The following IDO2 variants were observed in gnomAD, a reference collection of about 807,000 sequenced individuals.
The protein encoded by IDO2 is indoleamine 2,3-dioxygenase 2, also known as indoleamine 2,3-dioxygenase-like 1 protein.
In IDO2, 46 loss-of-function variants were observed where a neutral mutation model predicts 45.1. The ratio of observed to expected loss-of-function variants is 1.02; its 90% CI spans 0.80 to 1.30. The LOEUF (loss-of-function observed/expected upper bound fraction) is 1.30, where lower values mean the gene tolerates loss of function less well. Among genes scored for constraint, IDO2 ranks in the 50% most tolerant of loss-of-function variants. IDO2 has a pLI of 0.00. For missense variants in IDO2, 544 were observed against 491.8 expected, an observed-to-expected ratio of 1.11 and a Z score of -1.00; for synonymous variants, 218 against 184.9, an observed-to-expected ratio of 1.18 and a Z score of -1.45.
At chr8:39,956,120 T>G (rs1465254533) in intron 2 of IDO2, among the ~76,000 whole-genome samples, 1 of 150,860 alleles carries the variant, frequency 6.6e-6, no homozygotes, top group Non-Finnish European at 1.5e-5. Context: ...AGTGCAGTGG[T>G]GCAGTCTCAG....
chr8:40,000,627 C>T (rs938316030), intron 8 of IDO2, among the ~76,000 whole-genome samples: 3 of 101,252 alleles, frequency 3.0e-5, no homozygotes, highest in Non-Finnish European at 4.6e-5. Flanking sequence ...TTTACTTATT[C>T]TGCACTTATT....
chr8:39,962,696 G>A (rs1055499750), intron 2 of IDO2, among the ~76,000 whole-genome samples: 1 of 152,124 alleles, frequency 6.6e-6, no homozygotes, highest in African/African-American at 2.4e-5. Flanking sequence ...GGAGCACCAG[G>A]ACTTTCACAC....
Position 40,015,594 on chromosome 8 carries a change from C to T in IDO2, c.1216C>T (p.Arg406Cys), listed in dbSNP as rs768546107. ...GACCTTGGAGTCAATCCTTCACCCA[C>T]GTGGTTAGGAGGCTGCCCTCTCCCC... The change falls in exon 11 of 11, where the codon CGT becomes TGT. Residue 406 changes from arginine to cysteine, a missense_variant. Transcript: ENST00000502986. 24 of 1,608,958 alleles carry T rather than the reference C, an allele frequency of 1.5e-5. No homozygotes were observed. Among genetic ancestry groups the T allele is most frequent in the Admixed American group, 3.3e-5 (2 of 59,776 alleles).
At chr8:40,008,955 G>A (rs952715589) in intron 9 of IDO2, among the ~76,000 whole-genome samples, 1 of 152,034 alleles carries the variant, frequency 6.6e-6, no homozygotes, top group African/African-American at 2.4e-5. Flanking sequence ...CTAGAAAAAT[G>A]TAAATTTGCT....
intron 8 of IDO2, among the ~76,000 whole-genome samples, chr8:40,001,120 A>G (rs969707907): frequency 6.6e-6 from 1 of 151,784 alleles, no homozygotes. Context: ...GGCGTGTGCC[A>G]CTGTGGCCAG....
At position 39,983,618 on chromosome 8, in the gene IDO2, C is replaced by T. The variant is rs564057220; in HGVS notation, c.434+848C>T. Reference sequence around the variant, plus strand: ...GTGGCTCACCCCTGTAATCCCGGCACTTTGGGAGGCTGAGGCAGGTGGATC... The same window carrying T: ...GTGGCTCACCCCTGTAATCCCGGCATTTTGGGAGGCTGAGGCAGGTGGATC... On this transcript the variant is annotated intron_variant, in intron 5 of 10. Coordinates refer to ENST00000502986, the Ensembl canonical transcript of IDO2. 1.2e-4 allele frequency among the ~76,000 whole-genome samples: 18 copies of T among 152,252 alleles called. No homozygotes were observed. In the South Asian group the frequency reaches 3.7e-3, roughly 32 times the overall value.
rs766122277 is a variant in IDO2 at position 39,970,764 on chromosome 8, C to CTT, written c.195+7081_195+7082dup. On this transcript the variant is annotated intron_variant, in intron 3 of 10. Coordinates refer to ENST00000502986, the Ensembl canonical transcript of IDO2. ...TATTGGAAGAAGATTCCAACCAGGACTTTTTTTTTTTTTTTTTTTTTGAGA... is the reference window on the plus strand; with the variant it reads ...TATTGGAAGAAGATTCCAACCAGGACTTTTTTTTTTTTTTTTTTTTTTTGAGA... Among the ~76,000 whole-genome samples the CTT allele has an allele frequency of 3.5e-3, 393 of 112,406 alleles. 15 individuals carry two copies. Among genetic ancestry groups the CTT allele is most frequent in the African/African-American group, 9.0e-3 (242 of 26,974 alleles). The allele number at this position is 112,406 out of a possible 152,430, so 73.7% of individuals were successfully genotyped here.
At chr8:39,972,383 C>T (rs958205620) in intron 3 of IDO2, among the ~76,000 whole-genome samples, 2 of 151,880 alleles carry the variant, frequency 1.3e-5, no homozygotes, top group African/African-American at 2.4e-5. Flanking sequence ...CCGAGGCAGG[C>T]GGATCACTTG....
intron 1 of IDO2, among the ~76,000 whole-genome samples, chr8:39,935,994 T>C (rs1008961308): frequency 4.6e-5 from 7 of 152,198 alleles, no homozygotes; most frequent in African/African-American, 1.7e-4. Context: ...ACAAAACTTC[T>C]GAAAGAGGTC....
chr8:40,014,461 G>A (rs554456244), intron 10 of IDO2, among the ~76,000 whole-genome samples: 11 of 152,262 alleles, frequency 7.2e-5, no homozygotes, highest in Admixed American at 7.2e-4. Flanking sequence ...TACTAAAACA[G>A]TGACTCATTC....
At chr8:39,963,611 G>C (rs1191050604) in exon 3 of IDO2, 4 of 1,596,084 alleles carry the variant, frequency 2.5e-6, no homozygotes, top group African/African-American at 1.3e-5. Context: ...AATGCAGAAA[G>C]AACTTCCAGA....
At chr8:39,980,276 A>G (rs1278596579) in intron 4 of IDO2, among the ~76,000 whole-genome samples, 1 of 152,196 alleles carries the variant, frequency 6.6e-6, no homozygotes, top group Non-Finnish European at 1.5e-5. Context: ...TTCCTTAATC[A>G]AGGTCAGACA....
chr8:39,953,000 T>G (rs1204304825), intron 2 of IDO2, among the ~76,000 whole-genome samples: 2 of 151,780 alleles, frequency 1.3e-5, no homozygotes, highest in African/African-American at 4.8e-5. Context: ...ACTCCCAACC[T>G]CAGGTGATCC....
chr8:39,942,956 A>AAGAACG (rs1304873014), intron 1 of IDO2, among the ~76,000 whole-genome samples: 2 of 152,244 alleles, frequency 1.3e-5, no homozygotes, highest in East Asian at 3.8e-4. Flanking sequence ...GATTGAAGGA[A>AAGAACG]AGAACGAGAG....
intron 9 of IDO2, among the ~76,000 whole-genome samples, chr8:40,012,507 A>C (rs565728990): frequency 2.6e-5 from 4 of 152,352 alleles, no homozygotes; most frequent in Admixed American, 2.6e-4. Flanking sequence ...ACAAGAGGTC[A>C]AATGAGAAAA....
intron 1 of IDO2, among the ~76,000 whole-genome samples, chr8:39,943,183 C>A (rs558516506): frequency 1.3e-5 from 2 of 151,812 alleles, no homozygotes; most frequent in Admixed American, 6.6e-5. Context: ...GCGTGACTAA[C>A]GTGGGGAAAC....
intron 2 of IDO2, among the ~76,000 whole-genome samples, chr8:39,958,845 CAA>C (rs1279626067): frequency 6.6e-6 from 1 of 152,154 alleles, no homozygotes; most frequent in Non-Finnish European, 1.5e-5. Flanking sequence ...ATTAATCTAA[CAA>C]AGAGTTTAGT....
chr8:40,001,133 G>A (rs1802128766), intron 8 of IDO2, among the ~76,000 whole-genome samples: 1 of 151,200 alleles, frequency 6.6e-6, no homozygotes, highest in Admixed American at 6.6e-5. Context: ...GTGGCCAGCT[G>A]ATTTCCCTGA....
At chr8:40,015,314 C>G (rs1408014028) in exon 11 of IDO2, 3 of 1,613,850 alleles carry the variant, frequency 1.9e-6, no homozygotes, top group Non-Finnish European at 2.5e-6. Context: ...AAGACATCCA[C>G]TCAGCACCTT....
Sources: allele counts gnomAD v4.1 joint callset (sites outside exome capture counted in the v4.1 genomes callset), GRCh38; gene constraint gnomAD v4.1.1; transcripts MANE v1.5; gene names NCBI Gene and HGNC (gene_info 2026-07-23, HGNC 2026-07-21).